PLPP3: variants seen among roughly 807,000 people sequenced by gnomAD.
The protein encoded by PLPP3 is phospholipid phosphatase 3.
PLPP3 carries 6 observed loss-of-function variants against 29.6 expected under a neutral mutation model. The ratio of observed to expected loss-of-function variants is 0.20; its 90% CI spans 0.11 to 0.40. The LOEUF is 0.40. Ranked by LOEUF, PLPP3 falls within the 10% of genes least tolerant of loss-of-function variation. The pLI is 1.00. For missense variants in PLPP3, 308 were observed against 407.7 expected, an observed-to-expected ratio of 0.76 and a Z score of 2.11; for synonymous variants, 152 against 159.7, an observed-to-expected ratio of 0.95 and a Z score of 0.36.
intron 1 of PLPP3, among the ~76,000 whole-genome samples, chr1:56,559,884 T>C (rs569101994): frequency 7.5e-4 from 114 of 152,324 alleles, no homozygotes; most frequent in African/African-American, 2.6e-3. Flanking sequence ...TCTAAGATTA[T>C]TCTAAAGGAT....
intron 4 of PLPP3, among the ~76,000 whole-genome samples, chr1:56,520,897 C>A (rs1221733122): frequency 1.0e-4 from 11 of 105,636 alleles, no homozygotes; most frequent in African/African-American, 4.2e-4. Flanking sequence ...TGCAACAGAG[C>A]GAGACTCCAT....
At chr1:56,516,468 G>C (rs1645781247) in intron 4 of PLPP3, among the ~76,000 whole-genome samples, 1 of 152,206 alleles carries the variant, frequency 6.6e-6, no homozygotes, top group Non-Finnish European at 1.5e-5. Context: ...AGAATACCCA[G>C]AGGGGCTTTA....
chr1:56,518,094 G>C (rs1186970795), intron 4 of PLPP3, among the ~76,000 whole-genome samples: 1 of 152,178 alleles, frequency 6.6e-6, no homozygotes, highest in East Asian at 1.9e-4. Flanking sequence ...GTCTGTCACA[G>C]AAGAGGTACT....
rs113516577 is a variant in PLPP3 at position 56,498,633 on chromosome 1, ACTTT to A, written c.811-1961_811-1958del. ...TTTTGATCAATCCCTCCCCATCACT[ACTTT>A]CTTTTTTTTTTTTTAAGACGGAGTC... On this transcript the variant is annotated intron_variant, in intron 5 of 5. Coordinates refer to ENST00000371250, the MANE Select transcript of PLPP3 (RefSeq NM_003713.5). 5.5e-5 allele frequency among the ~76,000 whole-genome samples: 8 copies of A among 146,342 alleles called. No individual in the cohort carries two copies. The East Asian group carries it at 6.0e-4, about 11-fold the overall frequency.
chr1:56,552,986 T>A (rs1432474370), intron 1 of PLPP3, among the ~76,000 whole-genome samples: 2 of 152,094 alleles, frequency 1.3e-5, no homozygotes, highest in Non-Finnish European at 2.9e-5. Context: ...GAGCCTGTAT[T>A]AGAGAGAAGA....
chr1:56,576,230 T>C (rs890034714), intron 1 of PLPP3, among the ~76,000 whole-genome samples: 16 of 152,198 alleles, frequency 1.1e-4, no homozygotes, highest in Non-Finnish European at 7.3e-5. Context: ...GTTTCTTATA[T>C]ATTCCTGTGA....
At chr1:56,531,857 T>C (rs552665874) in intron 2 of PLPP3, among the ~76,000 whole-genome samples, 22 of 152,260 alleles carry the variant, frequency 1.4e-4, no homozygotes, top group Admixed American at 2.6e-4. Context: ...TTGAAGAGGA[T>C]TTAAGATAAG....
intron 5 of PLPP3, among the ~76,000 whole-genome samples, chr1:56,498,750 C>T (rs1449722562): frequency 1.3e-5 from 2 of 152,068 alleles, no homozygotes; most frequent in Non-Finnish European, 2.9e-5. Flanking sequence ...TCTCCCGCCT[C>T]AGCCTCCTGA....
At chr1:56,498,290 C>T (rs1334606079) in intron 5 of PLPP3, among the ~76,000 whole-genome samples, 1 of 152,208 alleles carries the variant, frequency 6.6e-6, no homozygotes, top group African/African-American at 2.4e-5. Context: ...GATCTGTGCA[C>T]AACCTGCCAG....
chr1:56,500,718 T>G (rs1645661619), intron 5 of PLPP3, among the ~76,000 whole-genome samples: 1 of 152,078 alleles, frequency 6.6e-6, no homozygotes, highest in Admixed American at 6.6e-5. Context: ...TAAGATCATG[T>G]TGGAGGTCAG....
rs1394616875 is a variant in PLPP3 at position 56,502,581 on chromosome 1, C to T, written c.811-5905G>A. ...CAATCTGTGGAGATGAACAGATGGG[C>T]TCAAATCCTAGATCTGCCATTGCAT... On this transcript the variant is annotated intron_variant, in intron 5 of 5. Coordinates refer to ENST00000371250, the MANE Select transcript of PLPP3 (RefSeq NM_003713.5). Among the ~76,000 whole-genome samples, 4 of 152,306 alleles carry T rather than the reference C, an allele frequency of 2.6e-5. No homozygotes were observed. The South Asian group carries it at 8.3e-4, about 32-fold the overall frequency.
At chr1:56,520,269 A>G (rs771655200) in intron 4 of PLPP3, among the ~76,000 whole-genome samples, 1 of 152,156 alleles carries the variant, frequency 6.6e-6, no homozygotes, top group Non-Finnish European at 1.5e-5. Flanking sequence ...CTGGTCATGG[A>G]TACAGCCAGA....
intron 5 of PLPP3, among the ~76,000 whole-genome samples, chr1:56,506,188 A>G (rs1036047051): frequency 1.3e-5 from 2 of 152,190 alleles, no homozygotes; most frequent in African/African-American, 4.8e-5. Context: ...TTGCAAATCC[A>G]TGGCTAAGCA....
At chr1:56,505,290 T>C (rs1239392395) in intron 5 of PLPP3, among the ~76,000 whole-genome samples, 4 of 152,226 alleles carry the variant, frequency 2.6e-5, no homozygotes, top group East Asian at 1.9e-4. Flanking sequence ...CCCAACCTCA[T>C]GGGATTGGAA....
Position 56,523,957 on chromosome 1 carries a change from C to A in PLPP3, c.576-77G>T, listed in dbSNP as rs571382489. 1.2e-3 allele frequency: 1,755 copies of A among 1,512,588 alleles called. 3 individuals carry two copies. The highest frequency in any genetic ancestry group is 1.5e-3 in the Non-Finnish European group (1,636 of 1,094,898). The allele number at this position is 1,512,588 out of a possible 1,614,324, so 93.7% of individuals were successfully genotyped here. A position where few individuals can be genotyped will look rare whatever the true frequency, so the allele number is the denominator to read the frequency against. On this transcript the variant is annotated intron_variant, in intron 3 of 5. Coordinates refer to ENST00000371250, the MANE Select transcript of PLPP3 (RefSeq NM_003713.5). ...ACACTTGTCTGTCTGTCTTCCCTCC[C>A]TAGACTGTAACCTTGAGAGCAGGCA...
chr1:56,575,652 G>A (rs1301374158), intron 1 of PLPP3, among the ~76,000 whole-genome samples: 3 of 152,194 alleles, frequency 2.0e-5, no homozygotes, highest in African/African-American at 4.8e-5. Flanking sequence ...TTCCACTCAT[G>A]CTAAACTGAG....
intron 1 of PLPP3, among the ~76,000 whole-genome samples, chr1:56,550,200 C>T (rs1646028895): frequency 6.6e-6 from 1 of 152,190 alleles, no homozygotes; most frequent in South Asian, 2.1e-4. Context: ...TCCTCAGTTG[C>T]TCCTGCAGCG....
At chr1:56,544,056 TC>T (rs1231557402) in intron 1 of PLPP3, among the ~76,000 whole-genome samples, 1 of 152,228 alleles carries the variant, frequency 6.6e-6, no homozygotes, top group Admixed American at 6.5e-5. Flanking sequence ...TTCCCTGCCT[TC>T]TGAAAGTCTC....
chr1:56,520,821 G>A (rs1645813525), intron 4 of PLPP3, among the ~76,000 whole-genome samples: 1 of 135,512 alleles, frequency 7.4e-6, no homozygotes, highest in Non-Finnish European at 1.5e-5. Context: ...TAAGGCAGGA[G>A]AATTGCTTGA....
Sources: allele counts gnomAD v4.1 joint callset (sites outside exome capture counted in the v4.1 genomes callset), GRCh38; gene constraint gnomAD v4.1.1; transcripts MANE v1.5; gene names NCBI Gene and HGNC (gene_info 2026-07-23, HGNC 2026-07-21).